FILIP1L: variants seen among roughly 807,000 people sequenced by gnomAD.
FILIP1L encodes the protein filamin A-interacting protein 1-like.
FILIP1L carries 55 observed loss-of-function variants against 96.6 expected under a neutral mutation model. The ratio of observed to expected loss-of-function variants is 0.57; its 90% CI spans 0.46 to 0.71. The LOEUF (loss-of-function observed/expected upper bound fraction) is 0.71. Among genes scored for constraint, FILIP1L ranks in the 30% least tolerant of loss-of-function variants. The probability of loss-of-function intolerance (pLI) is 0.00; values close to 1 mark genes in which losing one functional copy is unlikely to be tolerated. For synonymous variants in FILIP1L, 467 were observed against 473.9 expected, an observed-to-expected ratio of 0.99 and a Z score of 0.19; for missense variants, 1,304 against 1,321.2, an observed-to-expected ratio of 0.99 and a Z score of 0.20.
chr3:99,966,963 T>C (rs1326732345), intron 1 of FILIP1L, among the ~76,000 whole-genome samples: 1 of 152,142 alleles, frequency 6.6e-6, no homozygotes, highest in African/African-American at 2.4e-5. Flanking sequence ...CCCCACATGC[T>C]ATACAGGTGG....
At chr3:100,011,563 A>T (rs756711724) in intron 1 of FILIP1L, 3 of 152,228 alleles carry the variant, frequency 2.0e-5, no homozygotes, top group Non-Finnish European at 4.4e-5. Flanking sequence ...GCCTGTTGAG[A>T]TCATGGAATA....
Position 99,930,861 on chromosome 3 carries a change from C to CTG in FILIP1L, c.158_159dup (p.Glu54GlnfsTer38). 1 of 1,613,036 alleles carries CTG rather than the reference C, an allele frequency of 6.2e-7. No homozygotes were observed. The highest frequency in any genetic ancestry group is 8.5e-7 in the Non-Finnish European group (1 of 1,179,762). ...TGGCCATTACCACTGTGTGGCTTCT[C>CTG]TGCCTTGGGACACGGAAGTATTACA... On this transcript the variant is annotated frameshift_variant, in exon 2 of 6. Transcript: ENST00000477258. LOFTEE classifies it high-confidence loss of function.
At chr3:99,903,988 A>C (rs763050683) in intron 4 of FILIP1L, among the ~76,000 whole-genome samples, 7 of 152,228 alleles carry the variant, frequency 4.6e-5, no homozygotes, top group Non-Finnish European at 7.3e-5. Flanking sequence ...GTTAAGCAAG[A>C]TCTCTGGCCA....
chr3:99,943,703 C>CAA (rs1014184491), intron 1 of FILIP1L, among the ~76,000 whole-genome samples: 18 of 139,906 alleles, frequency 1.3e-4, no homozygotes, highest in African/African-American at 4.2e-4. Context: ...GACTCCGTCT[C>CAA]AAAAAAAAAA....
At chr3:99,997,578 A>C (rs1709719639) in intron 1 of FILIP1L, among the ~76,000 whole-genome samples, 1 of 152,186 alleles carries the variant, frequency 6.6e-6, no homozygotes. Flanking sequence ...TAATATTCAC[A>C]ATAGATGGTA....
chr3:99,930,967 T>A lies in FILIP1L; in HGVS notation c.54A>T (p.Arg18Ser), dbSNP rs1428357426. The change falls in exon 2 of 6, where the codon AGA (arginine) becomes AGT (serine). Residue 18 changes from arginine to serine, a missense_variant. Transcript: ENST00000477258. Reference protein sequence around the residue: ...TEGSAQKKFPRHTKGHSFQGP... With the variant: ...TEGSAQKKFPSHTKGHSFQGP... ...CTTGGAAACTGTGGCCTTTAGTATG[T>A]CTTGGAAATTTCTTTTGGGCTGAGC... The A allele has an allele frequency of 6.2e-7, 1 of 1,613,812 alleles. No homozygotes were observed. Among genetic ancestry groups the A allele is most frequent in the Admixed American group, 1.7e-5 (1 of 59,964 alleles).
chr3:99,872,615 A>C (rs1944857901), intron 4 of FILIP1L, among the ~76,000 whole-genome samples: 1 of 152,110 alleles, frequency 6.6e-6, no homozygotes, highest in South Asian at 2.1e-4. Flanking sequence ...TGTTTAAAAA[A>C]AATTCTATAC....
In FILIP1L at chr3:100,016,578, A is replaced by G. The variant is rs371978553; in HGVS notation, c.-10-85548T>C. On this transcript the variant is annotated intron_variant, in intron 1 of 5. Transcript: ENST00000477258. ...TGCTGAAACTTCCTCCCTGATGTGA[A>G]TGCTCCTAATCTTCTGTGACCTTGA... is the stretch of plus-strand genomic sequence containing the variant. Among the ~76,000 whole-genome samples the G allele has an allele frequency of 4.6e-5, 7 of 152,186 alleles. No homozygotes were observed. In the East Asian group the frequency reaches 7.7e-4, roughly 17 times the overall value.
intron 1 of FILIP1L, among the ~76,000 whole-genome samples, chr3:99,958,202 G>A (rs965447061): frequency 8.1e-6 from 1 of 123,680 alleles, no homozygotes; most frequent in Admixed American, 8.9e-5. Context: ...AGCCCTGCAT[G>A]CATTATTATT....
chr3:99,866,608 T>G (rs534912076), intron 4 of FILIP1L, among the ~76,000 whole-genome samples: 19 of 152,290 alleles, frequency 1.2e-4, no homozygotes, highest in Admixed American at 9.2e-4. Context: ...TTAATACATT[T>G]AAGAGTACTT....
chr3:99,946,363 T>C (rs947165299), intron 1 of FILIP1L, among the ~76,000 whole-genome samples: 1 of 152,370 alleles, frequency 6.6e-6, no homozygotes, highest in Middle Eastern at 3.4e-3. Context: ...AATTTTTTGT[T>C]ACGGAAAAGG....
In FILIP1L at chr3:99,849,102, G is replaced by A; in HGVS notation, c.2574C>T (p.Asn858=). ...TCATCCAGGGAATCCATAGCTTTCT[G>A]TTAACAGGACATGGAGTAGACTGGC... ...KCSQSTPCPV[N]RKLWIPWMKS... Residue 858 remains asparagine, a synonymous_variant, in exon 5 of 6, where the codon AAC becomes AAT. Transcript: ENST00000477258. 1 of 1,614,140 alleles carries A rather than the reference G, an allele frequency of 6.2e-7. No individual in the cohort carries two copies. The highest frequency in any genetic ancestry group is 8.5e-7 in the Non-Finnish European group (1 of 1,180,010).
intron 4 of FILIP1L, among the ~76,000 whole-genome samples, chr3:99,885,530 A>T (rs1324544152): frequency 6.6e-6 from 1 of 152,260 alleles, no homozygotes; most frequent in Admixed American, 6.5e-5. Flanking sequence ...ATTTAGCACA[A>T]GTTCATAAAC....
intron 4 of FILIP1L, among the ~76,000 whole-genome samples, chr3:99,876,639 A>T (rs1333887570): frequency 6.6e-6 from 1 of 152,158 alleles, no homozygotes; most frequent in African/African-American, 2.4e-5. Context: ...TCTGGGGGTG[A>T]TTTAGACTTC....
chr3:99,944,970 T>C (rs1222993951), intron 1 of FILIP1L, among the ~76,000 whole-genome samples: 1 of 152,232 alleles, frequency 6.6e-6, no homozygotes. Flanking sequence ...TGTTCATTAT[T>C]CGGCTCATTC....
At chr3:99,931,124 T>C in intron 1 of FILIP1L, 94 bp from the exon 2 acceptor site, 1 of 1,020,434 alleles carries the variant, frequency 9.8e-7, no homozygotes, top group East Asian at 2.4e-5. Flanking sequence ...ATTCTTGTTA[T>C]ATTTACCACA....
At chr3:99,994,639 G>C (rs550244327) in intron 1 of FILIP1L, among the ~76,000 whole-genome samples, 1 of 152,108 alleles carries the variant, frequency 6.6e-6, no homozygotes, top group East Asian at 1.9e-4. Context: ...CAATCACTGG[G>C]TGTATTAGTC....
intron 1 of FILIP1L, among the ~76,000 whole-genome samples, chr3:100,001,388 T>C (rs924916157): frequency 6.6e-6 from 1 of 152,192 alleles, no homozygotes; most frequent in African/African-American, 2.4e-5. Context: ...ATCTGAAATA[T>C]TACTATCTGG....
At chr3:100,028,727 A>C (rs2064970960) in intron 1 of FILIP1L, among the ~76,000 whole-genome samples, 1 of 152,148 alleles carries the variant, frequency 6.6e-6, no homozygotes, top group Non-Finnish European at 1.5e-5. Flanking sequence ...AATAATCTCT[A>C]GTTCCTTGTC....
Sources: gnomAD v4.1 joint callset for allele counts (sites outside exome capture counted in the v4.1 genomes callset) on GRCh38, gnomAD v4.1.1 for gene constraint, MANE v1.5 for transcripts, NCBI Gene and HGNC (gene_info 2026-07-23, HGNC 2026-07-21) for gene names.